DLL4: variants seen among roughly 807,000 people sequenced by gnomAD.
The protein encoded by DLL4 is delta like canonical Notch ligand 4.
Under a neutral mutation model 73.6 loss-of-function variants are expected in DLL4, and 7 were observed. The observed-to-expected ratio is 0.10, with a 90% CI of 0.05 to 0.18. The LOEUF (loss-of-function observed/expected upper bound fraction) is 0.18. DLL4 is among the 10% of genes least tolerant of loss of function. The pLI is 1.00. For missense variants in DLL4, 614 were observed against 929.9 expected (o/e 0.66, Z 4.42); for synonymous variants, 345 against 374.3 (o/e 0.92, Z 0.90).
intron 6 of DLL4, among the ~76,000 whole-genome samples, chr15:40,934,339 A>G (rs1355300639): frequency 2.0e-5 from 3 of 151,100 alleles, no homozygotes; most frequent in Non-Finnish European, 4.4e-5. Flanking sequence ...AAAAAAAAAA[A>G]GAAGGAAAGA....
chr15:40,934,965 C>T lies in DLL4; in HGVS notation c.1088C>T (p.Thr363Ile), dbSNP rs764431170. Residue 363 changes from threonine to isoleucine, a missense_variant, in exon 8 of 11, where the codon ACC becomes ATC. Coordinates refer to ENST00000249749, the MANE Select transcript of DLL4 (RefSeq NM_019074.4). ...GYYGLHCEHSTLSCADSPCFN... is the reference protein window; with the variant it reads ...GYYGLHCEHSILSCADSPCFN... ...TATGGCCTGCATTGTGAACACAGCA[C>T]CTTGAGCTGCGCCGACTCCCCCTGC... 21 of 1,613,582 alleles carry T rather than the reference C, an allele frequency of 1.3e-5. No homozygotes were observed. The highest frequency in any genetic ancestry group is 1.6e-5 in the Non-Finnish European group (19 of 1,179,906).
At position 40,930,334 on chromosome 15, in the gene DLL4, A is replaced by G; in HGVS notation, c.336+218A>G. Reference sequence around the variant, plus strand: ...TCCCAGTTTATGTCCTCCCGTCCCCAGCTCTTGGGACACGATTTTCATTAC... The same window carrying G: ...TCCCAGTTTATGTCCTCCCGTCCCCGGCTCTTGGGACACGATTTTCATTAC... On this transcript the variant is annotated intron_variant, in intron 2 of 10. Coordinates refer to ENST00000249749, the MANE Select transcript of DLL4 (RefSeq NM_019074.4). The surrounding 1 kb of genome is among the most constrained non-coding windows in gnomAD (Gnocchi z 5.7). The G allele has an allele frequency of 1.5e-6, 1 of 675,446 alleles. No homozygotes were observed. Among genetic ancestry groups the G allele is most frequent in the Non-Finnish European group, 2.5e-6 (1 of 403,278 alleles). 41.8% of individuals were successfully genotyped at this position (675,446 alleles called of 1,614,324 possible).
chr15:40,929,694 C>A lies in DLL4; in HGVS notation c.26C>A (p.Ser9Tyr). ...ATGGCGGCAGCGTCCCGGAGCGCCT[C>A]TGGCTGGGCGCTACTGCTGCTGGTG... MAAASRSA[S>Y]GWALLLLVAL... The change falls in exon 1 of 11, where the codon TCT becomes TAT. Residue 9 changes from serine to tyrosine, a missense_variant. By Grantham distance (144) the Ser-to-Tyr change is moderately radical (BLOSUM62 -2). Around this residue, in one of 3 missense-constraint regions of DLL4, gnomAD observed 227 missense variants for 370.8 expected, o/e 0.61. Coordinates refer to ENST00000249749, the MANE Select transcript of DLL4 (RefSeq NM_019074.4). The surrounding 1 kb of genome is among the most constrained non-coding windows in gnomAD (Gnocchi z 7.1). 1 of 1,580,550 alleles carries A rather than the reference C, an allele frequency of 6.3e-7. No homozygotes were observed. The highest frequency in any genetic ancestry group is 2.2e-5 in the East Asian group (1 of 44,588).
chr15:40,930,123 A>G lies in DLL4; in HGVS notation c.336+7A>G. On this transcript the variant is annotated splice_region_variant and intron_variant, in intron 2 of 10. Transcript: ENST00000249749. The surrounding 1 kb of genome is among the most constrained non-coding windows in gnomAD (Gnocchi z 5.7). Reference sequence around the variant, plus strand: ...CTTCAATTTCACCTGGCCGGTGAGCACAGCCTGGGCGCACTGGGAGGTCGC... The same window carrying G: ...CTTCAATTTCACCTGGCCGGTGAGCGCAGCCTGGGCGCACTGGGAGGTCGC... 1 of 1,604,898 alleles carries G rather than the reference A, an allele frequency of 6.2e-7. No individual in the cohort carries two copies.
Position 40,936,668 on chromosome 15 carries a change from G to A in DLL4, c.1681G>A (p.Asp561Asn). The part of the protein sequence containing the change: ...AVRQLRLRRP[D>N]DGSREAMNNL... ...GCGGCAGCTGCGGCTTCGACGGCCGGACGACGGCAGCAGGGAAGCCATGAA... is the reference window on the plus strand; with the variant it reads ...GCGGCAGCTGCGGCTTCGACGGCCGAACGACGGCAGCAGGGAAGCCATGAA... Residue 561 changes from aspartate (D) to asparagine (N), a missense_variant, in exon 9 of 11, where the codon GAC becomes AAC. Physicochemically the swap from Asp to Asn is conservative, Grantham distance 23. Coordinates refer to ENST00000249749, the MANE Select transcript of DLL4 (RefSeq NM_019074.4). 6.2e-7 allele frequency: 1 copy of A among 1,612,894 alleles called. No homozygotes were observed.
chr15:40,937,643 G>A (rs1349407905), intron 10 of DLL4, 117 bp downstream of exon 10: 4 of 787,968 alleles, frequency 5.1e-6, no homozygotes, highest in Admixed American at 1.8e-5. Context: ...GGCAGGCCAA[G>A]TTCAGTGGAC....
Position 40,932,244 on chromosome 15 carries a change from C to T in DLL4, c.719+13C>T, listed in dbSNP as rs1596192810. On this transcript the variant is annotated intron_variant, in intron 5 of 10. Coordinates refer to ENST00000249749, the MANE Select transcript of DLL4 (RefSeq NM_019074.4). ...CAGCAGAGTGCCTGTGAGTAGGGGA[C>T]AGGAAGTGGTGAGTGGGAGCCCTCC... 6.2e-7 allele frequency: 1 copy of T among 1,614,028 alleles called. No homozygotes were observed.
rs530873900 is a variant in DLL4 at position 40,930,839 on chromosome 15, C to G, written c.394+157C>G. 1.4e-6 allele frequency: 1 copy of G among 729,196 alleles called. No homozygotes were observed. The highest frequency in any genetic ancestry group is 2.7e-5 in the Admixed American group (1 of 37,722). The allele number at this position is 729,196 out of a possible 1,614,324, so 45.2% of individuals were successfully genotyped here. On this transcript the variant is annotated intron_variant, in intron 3 of 10. Transcript: ENST00000249749. The surrounding 1 kb of genome is among the most constrained non-coding windows in gnomAD (Gnocchi z 5.7). ...CCGCGCTGGACGCTCGGATTCCGCTCGCTGCCTGGACTCAGAGCACAATTG... is the reference window on the plus strand; with the variant it reads ...CCGCGCTGGACGCTCGGATTCCGCTGGCTGCCTGGACTCAGAGCACAATTG...
chr15:40,930,256 C>T lies in DLL4; in HGVS notation c.336+140C>T, dbSNP rs1006299063. The T allele has an allele frequency of 1.2e-5, 13 of 1,070,422 alleles. No individual in the cohort carries two copies. The highest frequency in any genetic ancestry group is 2.9e-4 in the Middle Eastern group (1 of 3,410). The allele number at this position is 1,070,422 out of a possible 1,614,324, so 66.3% of individuals were successfully genotyped here. A position where few individuals can be genotyped will look rare whatever the true frequency, so the allele number is the denominator to read the frequency against. ...CAGGATGCATTCTTTCCTGGCTCTT[C>T]CCGACTCTCTCCTGAGACTGATCCC... On this transcript the variant is annotated intron_variant, in intron 2 of 10. Coordinates refer to ENST00000249749, the MANE Select transcript of DLL4 (RefSeq NM_019074.4). The surrounding 1 kb of genome is among the most constrained non-coding windows in gnomAD (Gnocchi z 5.7).
chr15:40,931,368 C>A, intron 3 of DLL4, 135 bp from the exon 4 acceptor site: 2 of 1,104,850 alleles, frequency 1.8e-6, no homozygotes, highest in Non-Finnish European at 2.6e-6. Context: ...TGCTGGCAGG[C>A]GGGGGTCATC....
Position 40,931,617 on chromosome 15 carries a change from C to G in DLL4, c.509C>G (p.Ser170Cys), listed in dbSNP as rs1267000342. The G allele has an allele frequency of 6.2e-7, 1 of 1,613,324 alleles. No individual in the cohort carries two copies. The highest frequency in any genetic ancestry group is 8.5e-7 in the Non-Finnish European group (1 of 1,179,602). Residue 170 changes from serine (S) to cysteine (C), a missense_variant, in exon 4 of 11, where the codon TCT becomes TGT. Coordinates refer to ENST00000249749, the MANE Select transcript of DLL4 (RefSeq NM_019074.4). ...AGCACCCTCACAAGGCTGCGCTACT[C>G]TTACCGGGTCATCTGCAGTGACAAC... is the stretch of plus-strand genomic sequence containing the variant. ...QTSTLTRLRY[S>C]YRVICSDNYY...
Position 40,929,573 on chromosome 15 carries a change from T to C in DLL4, c.-96T>C. On this transcript the variant is annotated 5_prime_UTR_variant, in exon 1 of 11. Transcript: ENST00000249749. This position sits in a 1 kb window ranked among gnomAD's most constrained non-coding sequence, Gnocchi z 7.1. The stretch of plus-strand genomic sequence containing the variant: ...AGCGTCCCGAGAGGAGCGCCTCTTT[T>C]CAGGGACCCCGCCGGCTGGCGGACG... 2 of 1,229,924 alleles carry C rather than the reference T, an allele frequency of 1.6e-6. No homozygotes were observed. The highest frequency in any genetic ancestry group is 2.2e-6 in the Non-Finnish European group (2 of 912,472). The allele number at this position is 1,229,924 out of a possible 1,614,324, so 76.2% of individuals were successfully genotyped here. A position where few individuals can be genotyped will look rare whatever the true frequency, so the allele number is the denominator to read the frequency against.
In DLL4 at chr15:40,938,225, T is replaced by A; in HGVS notation, c.*191T>A. 1.9e-6 allele frequency: 1 copy of A among 514,258 alleles called. No individual in the cohort carries two copies. Among genetic ancestry groups the A allele is most frequent in the Non-Finnish European group, 3.2e-6 (1 of 309,540 alleles). 31.9% of individuals were successfully genotyped at this position (514,258 alleles called of 1,614,324 possible). On this transcript the variant is annotated 3_prime_UTR_variant, in exon 11 of 11. Coordinates refer to ENST00000249749, the MANE Select transcript of DLL4 (RefSeq NM_019074.4). ...CAATACCCTTCCACACCTTTGGGTG[T>A]CTGTCTGGCATCAGATTGGCAGCTG...
chr15:40,930,613 C>T lies in DLL4; in HGVS notation c.337-12C>T, dbSNP rs775704059. ...TCTCGCCATCTCTCCGTCCCCCCAC[C>T]CCCTTTCCCAGGGTACCTTCTCGCT... On this transcript the variant is annotated splice_polypyrimidine_tract_variant and intron_variant, in intron 2 of 10. Transcript: ENST00000249749. This position sits in a 1 kb window ranked among gnomAD's most constrained non-coding sequence, Gnocchi z 5.7. The T allele has an allele frequency of 1.2e-6, 2 of 1,613,660 alleles. No homozygotes were observed. Among genetic ancestry groups the T allele is most frequent in the Admixed American group, 1.7e-5 (1 of 60,002 alleles).
At position 40,937,543 on chromosome 15, in the gene DLL4, C is replaced by G; in HGVS notation, c.2052+17C>G. 5 of 1,557,612 alleles carry G rather than the reference C, an allele frequency of 3.2e-6. No homozygotes were observed. Among genetic ancestry groups the G allele is most frequent in the Non-Finnish European group, 4.4e-6 (5 of 1,128,410 alleles). ...GCCACGGAGGTGAGTGCTGGGCTCG[C>G]CTTTCCTTCTGCCTTTTGTGGGAGG... is the stretch of plus-strand genomic sequence containing the variant. On this transcript the variant is annotated intron_variant, in intron 10 of 10. Coordinates refer to ENST00000249749, the MANE Select transcript of DLL4 (RefSeq NM_019074.4).
In DLL4 at chr15:40,936,703, G is replaced by C. The variant is rs779920596; in HGVS notation, c.1716G>C (p.Ser572=). The C allele has an allele frequency of 1.2e-6, 2 of 1,613,726 alleles. No homozygotes were observed. Among genetic ancestry groups the C allele is most frequent in the South Asian group, 1.1e-5 (1 of 91,084 alleles). ...GCAGGGAAGCCATGAACAACTTGTC[G>C]GACTTCCAGAAGGACAACCTGATTC... ...DGSREAMNNL[S]DFQKDNLIPA... Residue 572 remains serine (S), a synonymous_variant, in exon 9 of 11, where the codon TCG becomes TCC. Transcript: ENST00000249749.
Position 40,929,507 on chromosome 15 carries a change from C to T in DLL4, c.-162C>T, listed in dbSNP as rs985267794. 6.1e-6 allele frequency: 4 copies of T among 655,774 alleles called. No individual in the cohort carries two copies. Among genetic ancestry groups the T allele is most frequent in the Non-Finnish European group, 7.5e-6 (3 of 399,436 alleles). 40.6% of individuals were successfully genotyped at this position (655,774 alleles called of 1,614,324 possible). A position where few individuals can be genotyped will look rare whatever the true frequency, so the allele number is the denominator to read the frequency against. ...CCGTAGTCACCTGGATTACCTACAG[C>T]GGCAGCTGCAGCGGAGCCAGCGAGA... is the stretch of plus-strand genomic sequence containing the variant. On this transcript the variant is annotated 5_prime_UTR_variant, in exon 1 of 11. Coordinates refer to ENST00000249749, the MANE Select transcript of DLL4 (RefSeq NM_019074.4). The surrounding 1 kb of genome is among the most constrained non-coding windows in gnomAD (Gnocchi z 7.1).
At chr15:40,932,054 G>T in intron 4 of DLL4, 117 bp from the exon 5 acceptor site, 1 of 1,242,278 alleles carries the variant, frequency 8.0e-7, no homozygotes, top group Non-Finnish European at 1.1e-6. Context: ...CCTCTGGGAG[G>T]CCAGGAGTAG....
rs377685381 is a variant in DLL4 at position 40,932,308 on chromosome 15, G to C, written c.720-9G>C. The C allele has an allele frequency of 6.2e-7, 1 of 1,614,000 alleles. No homozygotes were observed. The highest frequency in any genetic ancestry group is 1.7e-5 in the Admixed American group (1 of 60,026). ...TCTCACCTCACTCTGCCTCTCTCTTGTTCCCCAGCTGCCGCCCAGGCTGGC... is the reference window on the plus strand; with the variant it reads ...TCTCACCTCACTCTGCCTCTCTCTTCTTCCCCAGCTGCCGCCCAGGCTGGC... On this transcript the variant is annotated splice_polypyrimidine_tract_variant and intron_variant, in intron 5 of 10. Coordinates refer to ENST00000249749, the MANE Select transcript of DLL4 (RefSeq NM_019074.4).
Sources: allele counts gnomAD v4.1 joint callset (sites outside exome capture counted in the v4.1 genomes callset), GRCh38; gene constraint gnomAD v4.1.1; regional missense constraint gnomAD v4.1.1; non-coding constraint Gnocchi (gnomAD v3.1); transcripts MANE v1.5; gene names NCBI Gene and HGNC (gene_info 2026-07-23, HGNC 2026-07-21).